Variants in IL17B observed in about 807,000 individuals in gnomAD.
IL17B encodes the protein interleukin-17B.
In IL17B, 14 loss-of-function variants were observed where a neutral mutation model predicts 14.7. The ratio of observed to expected loss-of-function variants is 0.95; its 90% CI spans 0.63 to 1.49. The LOEUF (loss-of-function observed/expected upper bound fraction) is 1.49. Among genes scored for constraint, IL17B ranks in the 40% most tolerant of loss-of-function variants. IL17B has a pLI of 0.00. For synonymous variants in IL17B, 105 were observed against 94.8 expected (o/e 1.11, Z -0.62); for missense variants, 233 against 252.8 (o/e 0.92, Z 0.53).
Position 149,376,917 on chromosome 5 carries a change from G to A in IL17B, c.130C>T (p.Gln44Ter). The part of the protein sequence containing the change: ...RPGPLAPGPH[Q>*]VPLDLVSRMK... ...CGTGACACCAGGTCCAGTGGCACCTGGTGAGGGCCAGGGGCCAGGGGCCCA... is the reference window on the plus strand; with the variant it reads ...CGTGACACCAGGTCCAGTGGCACCTAGTGAGGGCCAGGGGCCAGGGGCCCA... Residue 44 changes from glutamine (Q) to a stop codon, truncating the protein, a stop_gained, in exon 2 of 3, where the codon CAG (glutamine) becomes TAG (stop). Coordinates refer to ENST00000261796, the MANE Select transcript of IL17B (RefSeq NM_014443.3). LOFTEE classifies it high-confidence loss of function. The A allele has an allele frequency of 6.2e-7, 1 of 1,614,070 alleles. No individual in the cohort carries two copies.
intron 1 of IL17B, among the ~76,000 whole-genome samples, chr5:149,403,626 C>G (rs929347770): frequency 6.6e-6 from 1 of 152,132 alleles, no homozygotes; most frequent in Non-Finnish European, 1.5e-5. Context: ...AGCTGAGCCT[C>G]CTGGGTAGAA....
At chr5:149,378,086 G>A (rs1264024848) in intron 1 of IL17B, among the ~76,000 whole-genome samples, 1 of 151,954 alleles carries the variant, frequency 6.6e-6, no homozygotes, top group Non-Finnish European at 1.5e-5. Flanking sequence ...GGAGCTTGCA[G>A]TGAGCCGAGA....
chr5:149,388,478 T>G (rs915646791), intron 1 of IL17B, among the ~76,000 whole-genome samples: 1 of 152,182 alleles, frequency 6.6e-6, no homozygotes, highest in Non-Finnish European at 1.5e-5. Context: ...AGTGATACTA[T>G]TGTATATGCT....
intron 1 of IL17B, among the ~76,000 whole-genome samples, chr5:149,385,590 C>T (rs1758809360): frequency 6.6e-6 from 1 of 152,204 alleles, no homozygotes; most frequent in South Asian, 2.1e-4. Flanking sequence ...CTGTGGGGGA[C>T]GTGGAATAAA....
chr5:149,388,971 A>G (rs566233222), intron 1 of IL17B, among the ~76,000 whole-genome samples: 1 of 152,350 alleles, frequency 6.6e-6, no homozygotes, highest in East Asian at 1.9e-4. Context: ...CAGGTTTGCT[A>G]TGAGGCTGAG....
chr5:149,396,599 T>C (rs979045965), intron 1 of IL17B, among the ~76,000 whole-genome samples: 1 of 151,908 alleles, frequency 6.6e-6, no homozygotes, highest in Non-Finnish European at 1.5e-5. Context: ...CTACAAAAAA[T>C]ACAAAAAATA....
At chr5:149,378,687 T>A (rs1015008933) in intron 1 of IL17B, among the ~76,000 whole-genome samples, 1 of 152,228 alleles carries the variant, frequency 6.6e-6, no homozygotes, top group Non-Finnish European at 1.5e-5. Flanking sequence ...GCAACAGAGA[T>A]TCAAGTGCTA....
intron 1 of IL17B, 53 bp from the exon 2 acceptor site, chr5:149,377,078 C>T: frequency 2.7e-6 from 4 of 1,458,284 alleles, no homozygotes; most frequent in Non-Finnish European, 3.7e-6. Flanking sequence ...TCTATCTGGG[C>T]CAAGACTTGG....
upstream of IL17B, among the ~76,000 whole-genome samples, chr5:149,384,278 A>AC (rs1289350975): frequency 2.0e-5 from 3 of 151,926 alleles, no homozygotes; most frequent in Non-Finnish European, 4.4e-5. Flanking sequence ...GGTCATGTCC[A>AC]CCCCCCTCAC....
At chr5:149,381,786 T>G (rs1197558618), upstream of IL17B, among the ~76,000 whole-genome samples, 1 of 152,212 alleles carries the variant, frequency 6.6e-6, no homozygotes, top group Non-Finnish European at 1.5e-5. Flanking sequence ...CTGTCCTTTT[T>G]GATGTCCTGA....
chr5:149,390,749 C>T (rs1758932158), intron 1 of IL17B, among the ~76,000 whole-genome samples: 2 of 151,846 alleles, frequency 1.3e-5, no homozygotes, highest in African/African-American at 4.8e-5. Flanking sequence ...ATCAGGTCTT[C>T]TATTTTTACC....
intron 1 of IL17B, among the ~76,000 whole-genome samples, chr5:149,378,294 C>T (rs1758599487): frequency 6.6e-6 from 1 of 152,194 alleles, no homozygotes; most frequent in Admixed American, 6.5e-5. Context: ...CCTGAGCCTT[C>T]CCTCTTCCAG....
rs1274708404 is a variant in IL17B, at chr5:149,374,759, G to A, written c.312-159C>T. 9 of 593,282 alleles carry A rather than the reference G, an allele frequency of 1.5e-5. No homozygotes were observed. The highest frequency in any genetic ancestry group is 2.8e-5 in the East Asian group (1 of 35,796). The allele number at this position is 593,282 out of a possible 1,614,324, so 36.8% of individuals were successfully genotyped here. ...GGCAGTAATCAACTCCATGTTCCACGTGAGGAAACTGAAGATCATGGAAGG... is the reference window on the plus strand; with the variant it reads ...GGCAGTAATCAACTCCATGTTCCACATGAGGAAACTGAAGATCATGGAAGG... On this transcript the variant is annotated intron_variant, in intron 2 of 2. Coordinates refer to ENST00000261796, the MANE Select transcript of IL17B (RefSeq NM_014443.3). The surrounding 1 kb of genome is among the most constrained non-coding windows in gnomAD (Gnocchi z 5.0).
chr5:149,378,308 T>A (rs1210393560), intron 1 of IL17B, among the ~76,000 whole-genome samples: 1 of 151,872 alleles, frequency 6.6e-6, no homozygotes, highest in African/African-American at 2.4e-5. Flanking sequence ...CTTCCAGCCA[T>A]CCCCCAAGCC....
chr5:149,383,077 G>A (rs187269882), upstream of IL17B, among the ~76,000 whole-genome samples: 6 of 152,318 alleles, frequency 3.9e-5, no homozygotes, highest in Non-Finnish European at 7.4e-5. Flanking sequence ...TCTTGGGAAT[G>A]TTAATTGACT....
intron 1 of IL17B, among the ~76,000 whole-genome samples, chr5:149,390,702 T>A (rs532930782): frequency 6.6e-6 from 1 of 151,728 alleles, no homozygotes; most frequent in African/African-American, 2.4e-5. Context: ...GGTAAGTGAT[T>A]TCCAAAGTAG....
chr5:149,393,792 A>T (rs956834813), intron 1 of IL17B, among the ~76,000 whole-genome samples: 1 of 152,140 alleles, frequency 6.6e-6, no homozygotes, highest in Non-Finnish European at 1.5e-5. Context: ...CTACCCGTGG[A>T]CTTTTCAGTC....
chr5:149,392,747 C>T (rs977762389), intron 1 of IL17B, among the ~76,000 whole-genome samples: 3 of 152,178 alleles, frequency 2.0e-5, no homozygotes, highest in African/African-American at 7.2e-5. Flanking sequence ...TAAATGAAAA[C>T]ATAAATTGCT....
chr5:149,376,527 C>T (rs1277889182), intron 2 of IL17B, among the ~76,000 whole-genome samples: 4 of 152,218 alleles, frequency 2.6e-5, no homozygotes, highest in Admixed American at 2.6e-4. Context: ...CTCTGAGGTA[C>T]TACTGTTGCC....
Sources: gnomAD v4.1 joint callset for allele counts (sites outside exome capture counted in the v4.1 genomes callset) on GRCh38, gnomAD v4.1.1 for gene constraint, Gnocchi (gnomAD v3.1) non-coding constraint, MANE v1.5 for transcripts, NCBI Gene and HGNC (gene_info 2026-07-23, HGNC 2026-07-21) for gene names.